The following CTNNA2 variants were observed in gnomAD, a reference collection of about 807,000 sequenced individuals.
The protein encoded by CTNNA2 is catenin alpha-2.
CTNNA2 carries 42 observed loss-of-function variants against 101.0 expected under a neutral mutation model. The observed-to-expected ratio is 0.42, with a 90% confidence interval of 0.32 to 0.54. CTNNA2 has a LOEUF of 0.54. CTNNA2 is among the 20% of genes least tolerant of loss of function. The pLI is 0.14. For missense variants in CTNNA2, 871 were observed against 1,223.1 expected (o/e 0.71, Z 4.29); for synonymous variants, 450 against 456.4 (o/e 0.99, Z 0.18).
intron 7 of CTNNA2, among the ~76,000 whole-genome samples, chr2:80,139,439 T>G (rs756322335): frequency 2.4e-4 from 36 of 152,286 alleles, no homozygotes; most frequent in Non-Finnish European, 4.0e-4. Flanking sequence ...GGTTTAATAC[T>G]CCTTTCCATT....
chr2:79,849,023 G>A (rs1244957065), intron 3 of CTNNA2, among the ~76,000 whole-genome samples: 1 of 152,124 alleles, frequency 6.6e-6, no homozygotes, highest in African/African-American at 2.4e-5. Context: ...GTCTTCATGT[G>A]TGAGATGAGA....
intron 4 of CTNNA2, among the ~76,000 whole-genome samples, chr2:79,859,901 A>G (rs1351883866): frequency 6.6e-6 from 1 of 152,132 alleles, no homozygotes; most frequent in Non-Finnish European, 1.5e-5. Context: ...GGCTAATGGC[A>G]GTGGAGCCCT....
intron 7 of CTNNA2, among the ~76,000 whole-genome samples, chr2:79,958,020 A>G (rs1327510030): frequency 6.6e-6 from 1 of 152,158 alleles, no homozygotes; most frequent in Non-Finnish European, 1.5e-5. Context: ...TACTTCAAAT[A>G]TTATTCACAT....
chr2:79,463,895 A>T (rs1652685), intron 4 of CTNNA2, among the ~76,000 whole-genome samples: 97,320 of 151,960 alleles, frequency 0.64, 31,304 homozygotes, highest in Middle Eastern at 0.73. Flanking sequence ...ATGGTAGAAA[A>T]GGAAACATTC....
Position 80,393,242 on chromosome 2 carries a change from A to G in CTNNA2, c.1088A>G (p.Asn363Ser). The part of the protein sequence containing the change: ...TGRKEKGDPL[N>S]IAIDKMTKKT... ...AGGAAAGAAAAAGGAGATCCTCTCA[A>G]CATTGCGATTGATAAGATGACTAAG... The change falls in exon 8 of 19, where the codon AAC becomes AGC. Residue 363 changes from asparagine to serine, a missense_variant. By Grantham distance (46) the Asn-to-Ser change is conservative (BLOSUM62 1). Around this residue, in one of 5 missense-constraint regions of CTNNA2, gnomAD observed 647 missense variants for 831.5 expected, o/e 0.78. Transcript: ENST00000402739. The G allele has an allele frequency of 6.2e-7, 1 of 1,610,970 alleles. No homozygotes were observed. Among genetic ancestry groups the G allele is most frequent in the Non-Finnish European group, 8.5e-7 (1 of 1,178,586 alleles).
intron 3 of CTNNA2, among the ~76,000 whole-genome samples, chr2:79,363,321 A>G (rs1433193435): frequency 1.3e-5 from 2 of 152,148 alleles, no homozygotes; most frequent in Non-Finnish European, 2.9e-5. Flanking sequence ...TCAGGGCCCC[A>G]CACTTATAAT....
intron 7 of CTNNA2, among the ~76,000 whole-genome samples, chr2:80,296,033 T>A (rs1166108829): frequency 1.3e-5 from 2 of 152,210 alleles, no homozygotes; most frequent in African/African-American, 4.8e-5. Flanking sequence ...GCACATTGAT[T>A]TTTTTCTAGC....
intron 4 of CTNNA2, among the ~76,000 whole-genome samples, chr2:79,488,176 A>G (rs7371189): frequency 0.7 from 105,538 of 151,766 alleles, 36,926 homozygotes; most frequent in African/African-American, 0.75. Flanking sequence ...AAATTAGCTG[A>G]CCGTGGTGGC....
At chr2:80,268,631 T>G (rs1673205234) in intron 7 of CTNNA2, among the ~76,000 whole-genome samples, 1 of 152,160 alleles carries the variant, frequency 6.6e-6, no homozygotes, top group South Asian at 2.1e-4. Context: ...TAATGAAAAT[T>G]TATATCCCCC....
chr2:80,296,739 T>C (rs1352939694), intron 7 of CTNNA2, among the ~76,000 whole-genome samples: 1 of 152,136 alleles, frequency 6.6e-6, no homozygotes, highest in African/African-American at 2.4e-5. Context: ...GTCAAATAAT[T>C]ATTTGATGTG....
intron 3 of CTNNA2, among the ~76,000 whole-genome samples, chr2:79,839,975 G>A (rs778834077): frequency 6.0e-4 from 92 of 152,172 alleles, no homozygotes; most frequent in Admixed American, 1.2e-3. Flanking sequence ...AAAAGGGTTC[G>A]TTTTCCTTTG....
intron 12 of CTNNA2, among the ~76,000 whole-genome samples, chr2:80,563,331 G>A (rs991485261): frequency 6.6e-5 from 10 of 152,218 alleles, no homozygotes; most frequent in Admixed American, 5.9e-4. Context: ...CCACATCAGT[G>A]ATAGGTGTTT....
chr2:80,204,815 T>C (rs1209688563), intron 7 of CTNNA2, among the ~76,000 whole-genome samples: 4 of 141,630 alleles, frequency 2.8e-5, no homozygotes, highest in African/African-American at 1.2e-4. Context: ...TACCCAAGAC[T>C]GGGCAATTTC....
intron 7 of CTNNA2, among the ~76,000 whole-genome samples, chr2:80,260,345 C>T (rs188876345): frequency 4.5e-4 from 68 of 152,254 alleles, no homozygotes; most frequent in African/African-American, 1.4e-3. Context: ...AGAAGTTGCT[C>T]ATGGAGCCAT....
At chr2:80,344,789 G>A (rs930859919) in intron 7 of CTNNA2, among the ~76,000 whole-genome samples, 12 of 152,188 alleles carry the variant, frequency 7.9e-5, no homozygotes, top group South Asian at 2.1e-4. Flanking sequence ...CATGGCCTCC[G>A]AAACTAAATT....
intron 7 of CTNNA2, among the ~76,000 whole-genome samples, chr2:80,318,480 A>T (rs1678348194): frequency 6.6e-6 from 1 of 152,100 alleles, no homozygotes; most frequent in African/African-American, 2.4e-5. Flanking sequence ...TTTAGGGGGT[A>T]AATTCCTTCT....
At chr2:80,156,908 A>G (rs146453177) in intron 7 of CTNNA2, among the ~76,000 whole-genome samples, 266 of 152,300 alleles carry the variant, frequency 1.7e-3, no homozygotes, top group Non-Finnish European at 3.1e-3. Context: ...TTTAAATCCA[A>G]GCAACATCTG....
chr2:79,716,539 A>G, intron 2 of CTNNA2, among the ~76,000 whole-genome samples: 1 of 152,130 alleles, frequency 6.6e-6, no homozygotes. Context: ...GCTCCCACTG[A>G]TAAGTGACAA....
chr2:79,261,327 C>A (rs1291003552), intron 2 of CTNNA2, among the ~76,000 whole-genome samples: 1 of 152,152 alleles, frequency 6.6e-6, no homozygotes, highest in African/African-American at 2.4e-5. Flanking sequence ...ATGAGATTAT[C>A]AACAGGCTAC....
Sources: allele counts gnomAD v4.1 joint callset (sites outside exome capture counted in the v4.1 genomes callset), GRCh38; gene constraint gnomAD v4.1.1; regional missense constraint gnomAD v4.1.1; transcripts MANE v1.5; gene names NCBI Gene and HGNC (gene_info 2026-07-23, HGNC 2026-07-21).